The following RAB38 variants were observed in gnomAD, a reference collection of about 807,000 sequenced individuals.
RAB38 encodes the protein ras-related protein Rab-38.
Under a neutral mutation model 18.4 loss-of-function variants are expected in RAB38, and 15 were observed. The observed-to-expected ratio is 0.82, with a 90% CI of 0.55 to 1.26. The LOEUF is 1.26. Ranked by LOEUF, RAB38 falls within the 50% of genes most tolerant of loss-of-function variation. RAB38 has a pLI of 0.00. For synonymous variants in RAB38, 101 were observed against 104.4 expected (o/e 0.97, Z 0.20); for missense variants, 294 against 267.4 (o/e 1.10, Z -0.69).
chr11:87,876,389 G>A, the RAB38 span, among the ~76,000 whole-genome samples: 45,122 of 151,362 alleles, frequency 0.3, 8,652 homozygotes, highest in African/African-American at 0.53. Context: ...GACAAGTGTC[G>A]TGGTCCAAAA....
At chr11:87,825,778 T>C in the RAB38 span, among the ~76,000 whole-genome samples, 1 of 152,180 alleles carries the variant, frequency 6.6e-6, no homozygotes, top group Non-Finnish European at 1.5e-5. Flanking sequence ...ATTGATTGTA[T>C]ATGCTGTCAA....
chr11:87,840,510 C>T, the RAB38 span, among the ~76,000 whole-genome samples: 2 of 152,164 alleles, frequency 1.3e-5, no homozygotes, highest in African/African-American at 2.4e-5. Context: ...ACAGGTCCTA[C>T]ACACATGGAA....
At chr11:87,976,534 T>C in the RAB38 span, among the ~76,000 whole-genome samples, 1 of 119,760 alleles carries the variant, frequency 8.4e-6, no homozygotes, top group Non-Finnish European at 1.6e-5. Flanking sequence ...ATATATTTTT[T>C]ACATTTATAT....
At chr11:88,005,048 T>A in the RAB38 span, among the ~76,000 whole-genome samples, 1 of 151,300 alleles carries the variant, frequency 6.6e-6, no homozygotes, top group African/African-American at 2.4e-5. Flanking sequence ...AAAATGTAAA[T>A]TTTCCCCAAA....
the RAB38 span, among the ~76,000 whole-genome samples, chr11:87,826,351 A>G: frequency 6.6e-6 from 1 of 151,654 alleles, no homozygotes; most frequent in African/African-American, 2.4e-5. Context: ...TGAAAAATAA[A>G]GGTGCCAAAA....
At chr11:88,124,592 C>T (rs1332378020) in intron 2 of RAB38, among the ~76,000 whole-genome samples, 1 of 152,196 alleles carries the variant, frequency 6.6e-6, no homozygotes, top group Non-Finnish European at 1.5e-5. Flanking sequence ...ACCATAGAAC[C>T]TGTCGACCCA....
chr11:87,908,242 T>C, the RAB38 span, among the ~76,000 whole-genome samples: 2 of 151,966 alleles, frequency 1.3e-5, no homozygotes, highest in East Asian at 3.9e-4. Flanking sequence ...AGCCCTGTTA[T>C]GAAGCAGACC....
chr11:88,064,998 A>G, the RAB38 span, among the ~76,000 whole-genome samples: 2 of 152,240 alleles, frequency 1.3e-5, no homozygotes, highest in South Asian at 4.1e-4. Flanking sequence ...CTTTGGCCTT[A>G]TGCTATGTCT....
chr11:88,029,214 G>C, the RAB38 span, among the ~76,000 whole-genome samples: 2 of 152,026 alleles, frequency 1.3e-5, no homozygotes, highest in Non-Finnish European at 2.9e-5. Flanking sequence ...TGCCCTAAAA[G>C]AGCTCCTGAA....
chr11:87,946,769 T>A, the RAB38 span, among the ~76,000 whole-genome samples: 2 of 150,624 alleles, frequency 1.3e-5, no homozygotes, highest in Non-Finnish European at 2.9e-5. Flanking sequence ...ATGTGCCACA[T>A]TTTCTTAATC....
the RAB38 span, among the ~76,000 whole-genome samples, chr11:88,093,509 T>C: frequency 6.6e-6 from 1 of 151,998 alleles, no homozygotes; most frequent in East Asian, 1.9e-4. Flanking sequence ...TAATATCTTC[T>C]CCAATTTTAT....
the RAB38 span, among the ~76,000 whole-genome samples, chr11:87,828,151 C>T: frequency 2.6e-5 from 4 of 152,096 alleles, no homozygotes; most frequent in Non-Finnish European, 5.9e-5. Context: ...CAAAATAAAA[C>T]ATTTATTAAA....
the RAB38 span, among the ~76,000 whole-genome samples, chr11:88,052,870 T>C: frequency 7.6e-6 from 1 of 131,738 alleles, no homozygotes; most frequent in East Asian, 2.3e-4. Context: ...TACCTCTCAT[T>C]ACTGCCTCCC....
chr11:87,808,353 A>G, the RAB38 span, among the ~76,000 whole-genome samples: 5 of 152,356 alleles, frequency 3.3e-5, no homozygotes, highest in South Asian at 6.2e-4. Context: ...TGATGTATAT[A>G]TACAATGAAA....
intron 1 of RAB38, chr11:88,173,854 G>T (rs956578306): frequency 1.0e-6 from 1 of 985,358 alleles, no homozygotes; most frequent in Middle Eastern, 5.2e-4. Context: ...AAAGAAAAAG[G>T]CCTGGCAGTT....
the RAB38 span, among the ~76,000 whole-genome samples, chr11:87,819,705 TATATATATATAC>T: frequency 2.1e-3 from 6 of 2,834 alleles, no homozygotes; most frequent in Non-Finnish European, 4.3e-3. Flanking sequence ...TGTGTGTGTA[TATATATATATAC>T]GTGTATGTAT....
At chr11:87,878,596 C>T in the RAB38 span, among the ~76,000 whole-genome samples, 1 of 151,472 alleles carries the variant, frequency 6.6e-6, no homozygotes, top group African/African-American at 2.4e-5. Flanking sequence ...AAAGCTACTC[C>T]CAGTTTTAAA....
At chr11:87,976,842 TTG>T in the RAB38 span, among the ~76,000 whole-genome samples, 1 of 54,354 alleles carries the variant, frequency 1.8e-5, no homozygotes, top group Non-Finnish European at 3.3e-5. Flanking sequence ...TAAATATATA[TTG>T]TGTTATATAA....
chr11:87,869,762 GC>G, the RAB38 span, among the ~76,000 whole-genome samples: 3 of 151,562 alleles, frequency 2.0e-5, no homozygotes, highest in Non-Finnish European at 4.4e-5. Context: ...ACACAACACA[GC>G]CCAAATGATC....
Sources: allele counts gnomAD v4.1 joint callset (sites outside exome capture counted in the v4.1 genomes callset), GRCh38; gene constraint gnomAD v4.1.1; transcripts MANE v1.5; gene names NCBI Gene and HGNC (gene_info 2026-07-23, HGNC 2026-07-21).